ARHGAP32: variants seen among roughly 807,000 people sequenced by gnomAD.
ARHGAP32 encodes rho GTPase-activating protein 32.
ARHGAP32 carries 51 observed loss-of-function variants against 186.5 expected under a neutral mutation model. The observed-to-expected ratio is 0.27, with a 90% CI of 0.22 to 0.35. The LOEUF is 0.35. ARHGAP32 is among the 10% of genes least tolerant of loss of function. The pLI is 1.00. For synonymous variants in ARHGAP32, 950 were observed against 964.3 expected, an observed-to-expected ratio of 0.99 and a Z score of 0.27; for missense variants, 2,186 against 2,623.5, an observed-to-expected ratio of 0.83 and a Z score of 3.64.
At chr11:129,071,509 T>C (rs1179282053) in intron 6 of ARHGAP32, among the ~76,000 whole-genome samples, 10 of 152,070 alleles carry the variant, frequency 6.6e-5, no homozygotes, top group Non-Finnish European at 1.2e-4. Context: ...CACAATGAGA[T>C]ATCATCTTGC....
chr11:128,969,899 C>G lies in ARHGAP32; in HGVS notation c.5314G>C (p.Glu1772Gln). ...EKYRMQSIRR[E>Q]SRARQKVKGP... ...TTCACCTTCTGCCGAGCACGGCTCTCTCTCCGGATGGACTGCATGCGGTAT... is the reference window on the plus strand; with the variant it reads ...TTCACCTTCTGCCGAGCACGGCTCTGTCTCCGGATGGACTGCATGCGGTAT... Residue 1772 changes from glutamate to glutamine, a missense_variant, in exon 23 of 23, where the codon GAG becomes CAG. Physicochemically the swap from Glu to Gln is conservative, Grantham distance 29 (BLOSUM62 2). Coordinates refer to ENST00000682385, the MANE Select transcript of ARHGAP32 (RefSeq NM_001378024.1). This position sits in a 1 kb window ranked among gnomAD's most constrained non-coding sequence, Gnocchi z 4.8. The G allele has an allele frequency of 6.2e-7, 1 of 1,614,214 alleles. No homozygotes were observed. Among genetic ancestry groups the G allele is most frequent in the Non-Finnish European group, 8.5e-7 (1 of 1,180,040 alleles).
chr11:129,029,198 T>C (rs1477708922), intron 11 of ARHGAP32, among the ~76,000 whole-genome samples: 2 of 152,204 alleles, frequency 1.3e-5, no homozygotes, highest in Non-Finnish European at 1.5e-5. Flanking sequence ...ATAGGCCTTA[T>C]AAAAATGTAA....
At chr11:129,238,611 C>A (rs1944968265) in intron 1 of ARHGAP32, among the ~76,000 whole-genome samples, 1 of 152,116 alleles carries the variant, frequency 6.6e-6, no homozygotes, top group Non-Finnish European at 1.5e-5. Flanking sequence ...GGTGTGGTGG[C>A]ACGCACCTGT....
intron 11 of ARHGAP32, among the ~76,000 whole-genome samples, chr11:129,036,648 C>T (rs668086): frequency 0.63 from 95,345 of 151,894 alleles, 30,408 homozygotes; most frequent in Middle Eastern, 0.69. Flanking sequence ...ATAATCTCAA[C>T]AGATGAATAA....
rs560314654 is a variant in ARHGAP32 at position 129,052,778 on chromosome 11, T to C, written c.963+9502A>G. Among the ~76,000 whole-genome samples, 4 of 152,332 alleles carry C rather than the reference T, an allele frequency of 2.6e-5. No homozygotes were observed. The South Asian group carries it at 8.3e-4, about 32-fold the overall frequency. Reference sequence around the variant, plus strand: ...TTTATATTTAAAAACATACTGTGTATTTTAAATACATAAATTACTTTCCTT... The same window carrying C: ...TTTATATTTAAAAACATACTGTGTACTTTAAATACATAAATTACTTTCCTT... On this transcript the variant is annotated intron_variant, in intron 10 of 22. Transcript: ENST00000682385.
At chr11:128,994,435 A>G (rs633960) in intron 12 of ARHGAP32, among the ~76,000 whole-genome samples, 134,156 of 152,080 alleles carry the variant, frequency 0.88, 59,365 homozygotes, top group African/African-American at 0.93. Context: ...GATTACAGGC[A>G]TGAGCCACCC....
At chr11:129,218,656 G>A (rs1029410110) in intron 1 of ARHGAP32, among the ~76,000 whole-genome samples, 1 of 152,128 alleles carries the variant, frequency 6.6e-6, no homozygotes, top group Non-Finnish European at 1.5e-5. Context: ...ACAGAACGGG[G>A]GAAAGGAGCC....
intron 2 of ARHGAP32, among the ~76,000 whole-genome samples, chr11:129,142,481 T>C (rs1305789133): frequency 1.3e-5 from 2 of 152,158 alleles, no homozygotes; most frequent in Non-Finnish European, 2.9e-5. Context: ...ATATGTATAT[T>C]TATATACATG....
intron 11 of ARHGAP32, among the ~76,000 whole-genome samples, chr11:129,008,046 AAG>A (rs1937877352): frequency 6.6e-6 from 1 of 152,046 alleles, no homozygotes; most frequent in Non-Finnish European, 1.5e-5. Flanking sequence ...GTTCTCCCTC[AAG>A]AGAGAGCACA....
intron 1 of ARHGAP32, among the ~76,000 whole-genome samples, chr11:129,242,103 A>C (rs1945026137): frequency 1.3e-5 from 2 of 152,186 alleles, no homozygotes; most frequent in African/African-American, 2.4e-5. Context: ...GATAATACAA[A>C]CTTATTCTAA....
chr11:129,214,809 T>C (rs1246543301), intron 1 of ARHGAP32, among the ~76,000 whole-genome samples: 2 of 152,204 alleles, frequency 1.3e-5, no homozygotes, highest in African/African-American at 4.8e-5. Flanking sequence ...AGATAATAAA[T>C]AGTTTAGGCT....
chr11:129,182,602 TA>T (rs1324254254), intron 1 of ARHGAP32, among the ~76,000 whole-genome samples: 2 of 152,046 alleles, frequency 1.3e-5, no homozygotes, highest in East Asian at 3.9e-4. Flanking sequence ...AATGCCTTCC[TA>T]TTATAAAAAA....
At chr11:129,019,650 T>C (rs1483731970) in intron 11 of ARHGAP32, among the ~76,000 whole-genome samples, 3 of 152,170 alleles carry the variant, frequency 2.0e-5, no homozygotes, top group Admixed American at 1.3e-4. Flanking sequence ...TCATTTTCTT[T>C]AGTTTATTCG....
At chr11:129,130,625 C>A (rs181187036) in intron 2 of ARHGAP32, among the ~76,000 whole-genome samples, 29 of 151,634 alleles carry the variant, frequency 1.9e-4, no homozygotes, top group Non-Finnish European at 3.5e-4. Flanking sequence ...TGTCATTATT[C>A]ATCAAGAAAA....
chr11:129,109,817 T>C (rs990613934), intron 5 of ARHGAP32, among the ~76,000 whole-genome samples: 9 of 152,126 alleles, frequency 5.9e-5, no homozygotes, highest in African/African-American at 2.2e-4. Context: ...TTGTTTTTGC[T>C]GTTGATTTGT....
intron 1 of ARHGAP32, among the ~76,000 whole-genome samples, chr11:129,178,238 A>G (rs1283048223): frequency 3.3e-5 from 5 of 152,156 alleles, no homozygotes; most frequent in Non-Finnish European, 7.4e-5. Flanking sequence ...CTTACAAGGG[A>G]TGTGAAGGAC....
intron 1 of ARHGAP32, among the ~76,000 whole-genome samples, chr11:129,264,278 T>G (rs1007642458): frequency 6.6e-6 from 1 of 152,200 alleles, no homozygotes; most frequent in African/African-American, 2.4e-5. Flanking sequence ...TCATAGAGTT[T>G]TAGTTTTGCA....
intron 5 of ARHGAP32, among the ~76,000 whole-genome samples, chr11:129,096,883 A>G (rs1456499025): frequency 6.6e-6 from 1 of 152,222 alleles, no homozygotes; most frequent in African/African-American, 2.4e-5. Context: ...TGACCTATTC[A>G]AAAGACTTAC....
In ARHGAP32 at chr11:129,123,955, C is replaced by T. The variant is rs1161190001; in HGVS notation, c.318-26G>A. 1 of 1,284,944 alleles carries T rather than the reference C, an allele frequency of 7.8e-7. No homozygotes were observed. The highest frequency in any genetic ancestry group is 1.0e-6 in the Non-Finnish European group (1 of 985,632). 79.6% of individuals were successfully genotyped at this position (1,284,944 alleles called of 1,614,324 possible). ...CTGAACGCAGAATGAACATTTTTATCCTTGTCTTTCCTCTACTTACACATG... is the reference window on the plus strand; with the variant it reads ...CTGAACGCAGAATGAACATTTTTATTCTTGTCTTTCCTCTACTTACACATG... On this transcript the variant is annotated intron_variant, in intron 3 of 22. Coordinates refer to ENST00000682385, the MANE Select transcript of ARHGAP32 (RefSeq NM_001378024.1). The surrounding 1 kb of genome is among the most constrained non-coding windows in gnomAD (Gnocchi z 4.6).
Sources: gnomAD v4.1 joint callset for allele counts (sites outside exome capture counted in the v4.1 genomes callset) on GRCh38, gnomAD v4.1.1 for gene constraint, Gnocchi (gnomAD v3.1) non-coding constraint, MANE v1.5 for transcripts, NCBI Gene and HGNC (gene_info 2026-07-23, HGNC 2026-07-21) for gene names.